The following ZGLP1 variants were observed in gnomAD, a reference collection of about 807,000 sequenced individuals.
ZGLP1 encodes the protein GATA-type zinc finger protein 1.
A neutral mutation model predicts 21.4 loss-of-function variants in ZGLP1; 11 were observed. That is an observed-to-expected ratio of 0.51 (90% confidence interval 0.32 to 0.85). ZGLP1 has a LOEUF of 0.85. ZGLP1 is among the 40% of genes least tolerant of loss of function. ZGLP1 has a pLI of 0.03. For missense variants in ZGLP1, 295 were observed against 355.6 expected, an observed-to-expected ratio of 0.83 and a Z score of 1.37; for synonymous variants, 148 against 145.0, an observed-to-expected ratio of 1.02 and a Z score of -0.15.
In ZGLP1 at chr19:10,305,771, G is replaced by T. The variant is rs1443152331; in HGVS notation, c.604+75C>A. On this transcript the variant is annotated intron_variant, in intron 2 of 3. Transcript: ENST00000403903. This position sits in a 1 kb window ranked among gnomAD's most constrained non-coding sequence, Gnocchi z 4.7. ...TGGGGAAGCAAGATGGAGAAGGGGG[G>T]GGCAGGGAGAAAGGCAGGGAAGACA... The T allele has an allele frequency of 2.3e-5, 27 of 1,199,642 alleles. No homozygotes were observed. The highest frequency in any genetic ancestry group is 3.0e-5 in the Non-Finnish European group (25 of 827,282). 74.3% of individuals were successfully genotyped at this position (1,199,642 alleles called of 1,614,324 possible).
chr19:10,308,820 C>T, exon 1 of ZGLP1: 1 of 697,684 alleles, frequency 1.4e-6, no homozygotes. Flanking sequence ...AGGGACCGCC[C>T]TAGGTGACCG....
chr19:10,305,776 G>T lies in ZGLP1; in HGVS notation c.604+70C>A. On this transcript the variant is annotated intron_variant, in intron 2 of 3. Coordinates refer to ENST00000403903, the Ensembl canonical transcript of ZGLP1. This position sits in a 1 kb window ranked among gnomAD's most constrained non-coding sequence, Gnocchi z 4.7. ...AAGCAAGATGGAGAAGGGGGGGGCA[G>T]GGAGAAAGGCAGGGAAGACAGGAAA... 8.0e-7 allele frequency: 1 copy of T among 1,249,324 alleles called. No individual in the cohort carries two copies. The highest frequency in any genetic ancestry group is 1.1e-6 in the Non-Finnish European group (1 of 871,900). 77.4% of individuals were successfully genotyped at this position (1,249,324 alleles called of 1,614,324 possible).
exon 1 of ZGLP1, chr19:10,309,477 G>C (rs984418965): frequency 1.3e-5 from 2 of 152,536 alleles, no homozygotes; most frequent in Non-Finnish European, 2.9e-5. Flanking sequence ...GGATTGGCTC[G>C]GCCTCCATTG....
At position 10,305,886 on chromosome 19, in the gene ZGLP1, T is replaced by C. The variant is rs1454086438; in HGVS notation, c.564A>G (p.Pro188=). Residue 188 remains proline (P), a synonymous_variant, in exon 2 of 4, where the codon CCA becomes CCG. Coordinates refer to ENST00000403903, the Ensembl canonical transcript of ZGLP1. This position sits in a 1 kb window ranked among gnomAD's most constrained non-coding sequence, Gnocchi z 4.7. ...CTGCTGAGTGGGCCTCGGTGCCTCC[T>C]GGGTGGGCTGCAGGGCCCCCAACAG... is the stretch of plus-strand genomic sequence containing the variant. 11 of 1,563,524 alleles carry C rather than the reference T, an allele frequency of 7.0e-6. No individual in the cohort carries two copies. In the African/African-American group the frequency reaches 1.1e-4, roughly 15 times the overall value.
chr19:10,309,663 T>C (rs2040302870), exon 1 of ZGLP1: 1 of 152,348 alleles, frequency 6.6e-6, no homozygotes, highest in African/African-American at 2.4e-5. Context: ...TTCTGGCTTT[T>C]TTCAGGTCAT....
At chr19:10,308,111 G>A (rs951083445) in intron 1 of ZGLP1, 74 bp downstream of exon 2, 19 of 1,492,962 alleles carry the variant, frequency 1.3e-5, no homozygotes, top group East Asian at 6.8e-5. Context: ...ACGCCAGAGA[G>A]CACCCCTACC....
At chr19:10,308,320 G>A in exon 1 of ZGLP1, 2 of 1,611,194 alleles carry the variant, frequency 1.2e-6, no homozygotes, top group South Asian at 1.1e-5. Flanking sequence ...CTGGGGTGGG[G>A]CCGAGGGAGT....
Position 10,305,713 on chromosome 19 carries a change from G to A in ZGLP1, c.604+133C>T. Reference sequence around the variant, plus strand: ...GGGGGTGACTCAGCCCAAGTGGAGGGGGGTGCTGCGACTCCTCCCTGAGGG... The same window carrying A: ...GGGGGTGACTCAGCCCAAGTGGAGGAGGGTGCTGCGACTCCTCCCTGAGGG... On this transcript the variant is annotated intron_variant, in intron 2 of 3. Transcript: ENST00000403903. This position sits in a 1 kb window ranked among gnomAD's most constrained non-coding sequence, Gnocchi z 4.7. 1.3e-6 allele frequency: 1 copy of A among 788,994 alleles called. No homozygotes were observed. The highest frequency in any genetic ancestry group is 2.1e-5 in the Admixed American group (1 of 48,638). 48.9% of individuals were successfully genotyped at this position (788,994 alleles called of 1,614,324 possible). A position where few individuals can be genotyped will look rare whatever the true frequency, so the allele number is the denominator to read the frequency against.
chr19:10,304,913 C>G, exon 4 of ZGLP1: 2 of 606,366 alleles, frequency 3.3e-6, no homozygotes, highest in Non-Finnish European at 5.8e-6. Flanking sequence ...GGGCTGGTGA[C>G]CCCTAGCAGG....
exon 4 of ZGLP1, chr19:10,304,857 T>C (rs2040270049): frequency 8.8e-6 from 5 of 566,974 alleles, no homozygotes; most frequent in Non-Finnish European, 1.6e-5. Flanking sequence ...TCATCCTTCC[T>C]GAGAGCGTCT....
rs939625657 is a variant in ZGLP1 at position 10,305,980 on chromosome 19, G to A, written c.498-28C>T. The A allele has an allele frequency of 4.1e-5, 60 of 1,466,484 alleles. No individual in the cohort carries two copies. Among genetic ancestry groups the A allele is most frequent in the Admixed American group, 1.0e-4 (5 of 48,974 alleles). 90.8% of individuals were successfully genotyped at this position (1,466,484 alleles called of 1,614,324 possible). On this transcript the variant is annotated intron_variant, in intron 1 of 3. Transcript: ENST00000403903. The surrounding 1 kb of genome is among the most constrained non-coding windows in gnomAD (Gnocchi z 4.7). ...GTGGGGCAGACAAGGTATTAGCACTGGGGGGGATCTGTAGCTTGTCCCCAA... is the reference window on the plus strand; with the variant it reads ...GTGGGGCAGACAAGGTATTAGCACTAGGGGGGATCTGTAGCTTGTCCCCAA...
chr19:10,305,632 G>T lies in ZGLP1; in HGVS notation c.605-149C>A. On this transcript the variant is annotated intron_variant, in intron 2 of 3. Coordinates refer to ENST00000403903, the Ensembl canonical transcript of ZGLP1. This position sits in a 1 kb window ranked among gnomAD's most constrained non-coding sequence, Gnocchi z 4.7. ...TGGGAGTTGCCAGCTCTAAGCCACA[G>T]CAAAGCCAGGAAGGGAGACAGATGG... The T allele has an allele frequency of 2.6e-6, 2 of 779,530 alleles. No homozygotes were observed. The highest frequency in any genetic ancestry group is 2.1e-6 in the Non-Finnish European group (1 of 474,298). The allele number at this position is 779,530 out of a possible 1,614,324, so 48.3% of individuals were successfully genotyped here.
Position 10,305,555 on chromosome 19 carries a change from G to T in ZGLP1, c.605-72C>A. On this transcript the variant is annotated intron_variant, in intron 2 of 3. Transcript: ENST00000403903. The surrounding 1 kb of genome is among the most constrained non-coding windows in gnomAD (Gnocchi z 4.7). ...GAGCTCGGGATGCCTGTGCGGAGTCGGGCATTTTGTGGGGGTCTCAGTAAA... is the reference window on the plus strand; with the variant it reads ...GAGCTCGGGATGCCTGTGCGGAGTCTGGCATTTTGTGGGGGTCTCAGTAAA... 7.2e-7 allele frequency: 1 copy of T among 1,382,358 alleles called. No homozygotes were observed. Among genetic ancestry groups the T allele is most frequent in the Non-Finnish European group, 1.0e-6 (1 of 995,000 alleles). The allele number at this position is 1,382,358 out of a possible 1,614,324, so 85.6% of individuals were successfully genotyped here.
intron 1 of ZGLP1, among the ~76,000 whole-genome samples, chr19:10,306,845 A>T (rs1185286449): frequency 6.6e-6 from 1 of 152,030 alleles, no homozygotes; most frequent in East Asian, 1.9e-4. Context: ...AAGCAAAAAA[A>T]AGCAGCCAGG....
chr19:10,308,714 A>G, exon 1 of ZGLP1: 1 of 1,461,484 alleles, frequency 6.8e-7, no homozygotes, highest in Non-Finnish European at 9.1e-7. Context: ...TAAGAGTTGC[A>G]GTAATTGCAA....
At chr19:10,306,917 TG>T (rs2040282702) in intron 1 of ZGLP1, among the ~76,000 whole-genome samples, 1 of 152,092 alleles carries the variant, frequency 6.6e-6, no homozygotes, top group African/African-American at 2.4e-5. Context: ...ATGGATCACC[TG>T]AGGTCAAGAG....
exon 1 of ZGLP1, chr19:10,309,770 A>G (rs2040304390): frequency 6.6e-6 from 1 of 152,218 alleles, no homozygotes; most frequent in African/African-American, 2.4e-5. Context: ...CCCCTCGGAA[A>G]TGGGGGCTCC....
rs764801987 is a variant in ZGLP1 at position 10,308,555 on chromosome 19, G to A, written c.127C>T (p.Pro43Ser). 1.2e-6 allele frequency: 2 copies of A among 1,602,948 alleles called. No individual in the cohort carries two copies. Among genetic ancestry groups the A allele is most frequent in the African/African-American group, 1.3e-5 (1 of 74,728 alleles). The change falls in exon 1 of 4, where the codon CCC (proline) becomes TCC (serine). Residue 43 changes from proline to serine, a missense_variant. By Grantham distance (74) the Pro-to-Ser change is moderately conservative. Around this residue, in one of 2 missense-constraint regions of ZGLP1, gnomAD observed 252 missense variants for 264.0 expected, o/e 0.95. Transcript: ENST00000403903. The stretch of plus-strand genomic sequence containing the variant: ...TGGCATGCAGGCCAGAGGGACCTGG[G>A]GAGAAGGGCAGTGGGGTCACGTTTT...
chr19:10,306,082 G>T, intron 1 of ZGLP1, 130 bp from the exon 3 acceptor site: 1 of 510,664 alleles, frequency 2.0e-6, no homozygotes, highest in Non-Finnish European at 3.5e-6. Context: ...GAATGGCCTG[G>T]CTTTGCCTCT....
Sources: gnomAD v4.1 joint callset for allele counts (sites outside exome capture counted in the v4.1 genomes callset) on GRCh38, gnomAD v4.1.1 for gene constraint, gnomAD v4.1.1 regional missense constraint, Gnocchi (gnomAD v3.1) non-coding constraint, MANE v1.5 for transcripts, NCBI Gene and HGNC (gene_info 2026-07-23, HGNC 2026-07-21) for gene names.